The following TCF7L2 variants were observed in gnomAD, a reference collection of about 807,000 sequenced individuals.
The protein encoded by TCF7L2 is transcription factor 7 like 2.
In TCF7L2, 23 loss-of-function variants were observed where a neutral mutation model predicts 77.9. That is an observed-to-expected ratio of 0.30 (90% CI 0.21 to 0.42). TCF7L2 has a LOEUF of 0.42. Ranked by LOEUF, TCF7L2 falls within the 10% of genes least tolerant of loss-of-function variation. TCF7L2 has a pLI of 1.00. For synonymous variants in TCF7L2, 413 were observed against 340.2 expected (o/e 1.21, Z -2.36); for missense variants, 654 against 793.1 (o/e 0.82, Z 2.11).
chr10:112,961,206 G>A lies in TCF7L2; in HGVS notation c.382-3350G>A, dbSNP rs1353358480. Among the ~76,000 whole-genome samples, 4 of 137,048 alleles carry A rather than the reference G, an allele frequency of 2.9e-5. No homozygotes were observed. The East Asian group carries it at 9.0e-4, about 31-fold the overall frequency. The allele number at this position is 137,048 out of a possible 152,430, so 89.9% of individuals were successfully genotyped here. On this transcript the variant is annotated intron_variant, in intron 3 of 13. Transcript: ENST00000627217. ...TTTTTGTATTTTTTAGTAGAGACGG[G>A]GTTTCACCATGTTGGTCAGGCTGGT...
chr10:113,088,875 A>G (rs998516368), intron 5 of TCF7L2, among the ~76,000 whole-genome samples: 13 of 152,012 alleles, frequency 8.6e-5, no homozygotes, highest in African/African-American at 3.1e-4. Flanking sequence ...AGGCTGAGAC[A>G]GGAGGATTGC....
chr10:113,084,158 G>GT (rs2059591527), intron 5 of TCF7L2, among the ~76,000 whole-genome samples: 2 of 152,188 alleles, frequency 1.3e-5, no homozygotes. Flanking sequence ...GGATGTATGT[G>GT]TTTATATAGA....
intron 3 of TCF7L2, among the ~76,000 whole-genome samples, chr10:112,952,786 C>T (rs1354215002): frequency 1.3e-5 from 2 of 152,216 alleles, no homozygotes; most frequent in East Asian, 3.9e-4. Flanking sequence ...CGGTCCCGCG[C>T]CCAACCCTGA....
chr10:113,144,117 TGTG>T, intron 7 of TCF7L2, 92 bp downstream of exon 7: 1 of 919,364 alleles, frequency 1.1e-6, no homozygotes, highest in Non-Finnish European at 1.6e-6. Context: ...TGTGTGTGTG[TGTG>T]TGTGTGTGTG....
At chr10:113,094,665 A>C (rs1226287442) in intron 5 of TCF7L2, among the ~76,000 whole-genome samples, 1 of 152,232 alleles carries the variant, frequency 6.6e-6, no homozygotes, top group Non-Finnish European at 1.5e-5. Context: ...CGTAGGTGGG[A>C]TCATACTATA....
At chr10:113,075,864 T>TTA (rs2058634026) in intron 5 of TCF7L2, among the ~76,000 whole-genome samples, 2 of 152,086 alleles carry the variant, frequency 1.3e-5, no homozygotes, top group South Asian at 4.2e-4. Flanking sequence ...GACAGGATCT[T>TTA]ACAGCCGGGG....
chr10:113,145,501 A>T (rs1403549372), intron 7 of TCF7L2, among the ~76,000 whole-genome samples: 1 of 151,804 alleles, frequency 6.6e-6, no homozygotes, highest in Admixed American at 6.6e-5. Flanking sequence ...CCCCCCGGTA[A>T]CTCTTGTCAA....
intron 8 of TCF7L2, among the ~76,000 whole-genome samples, chr10:113,147,448 A>T (rs2137027942): frequency 6.6e-6 from 1 of 152,312 alleles, no homozygotes; most frequent in East Asian, 1.9e-4. Flanking sequence ...AGTTGAAGAG[A>T]TCCATTTTCT....
chr10:112,998,950 G>A (rs2043990369), intron 4 of TCF7L2, among the ~76,000 whole-genome samples: 1 of 152,198 alleles, frequency 6.6e-6, no homozygotes, highest in Admixed American at 6.5e-5. Context: ...GTGTTAGCTT[G>A]TGGATGGATT....
intron 4 of TCF7L2, among the ~76,000 whole-genome samples, chr10:112,984,157 G>A (rs1420191431): frequency 6.6e-6 from 1 of 152,188 alleles, no homozygotes; most frequent in Non-Finnish European, 1.5e-5. Flanking sequence ...AAATCAGAAA[G>A]CAGTGTTGGT....
chr10:113,166,283 T>G lies in TCF7L2; in HGVS notation c.*311T>G, dbSNP rs566040972. The G allele has an allele frequency of 3.0e-5, 8 of 266,296 alleles. No homozygotes were observed. Among genetic ancestry groups the G allele is most frequent in the African/African-American group, 1.1e-4 (5 of 46,486 alleles). 16.5% of individuals were successfully genotyped at this position (266,296 alleles called of 1,614,324 possible). A position where few individuals can be genotyped will look rare whatever the true frequency, so the allele number is the denominator to read the frequency against. Reference sequence around the variant, plus strand: ...ATAACTGTTATGTAGTTCGGATAGCTTAGTTTTAAAAGACTGATTAAAAAA... The same window carrying G: ...ATAACTGTTATGTAGTTCGGATAGCGTAGTTTTAAAAGACTGATTAAAAAA... On this transcript the variant is annotated 3_prime_UTR_variant, in exon 14 of 14. Transcript: ENST00000627217.
chr10:112,969,653 T>G (rs1188781314), intron 4 of TCF7L2, among the ~76,000 whole-genome samples: 1 of 152,100 alleles, frequency 6.6e-6, no homozygotes, highest in Non-Finnish European at 1.5e-5. Flanking sequence ...AGCAGTAAAT[T>G]TATCTAGGTG....
At chr10:113,073,099 C>CCTGTGTGTGTGTGTGTGT (rs145753150) in intron 5 of TCF7L2, among the ~76,000 whole-genome samples, 3 of 103,962 alleles carry the variant, frequency 2.9e-5, no homozygotes, top group Admixed American at 2.0e-4. Flanking sequence ...AGGGCCAGGT[C>CCTGTGTGTGTGTGTGTGT]GTGTGTGTGT....
chr10:112,951,383 C>G, intron 2 of TCF7L2, 100 bp from the exon 3 acceptor site: 1 of 1,149,866 alleles, frequency 8.7e-7, no homozygotes, highest in Non-Finnish European at 1.1e-6. Flanking sequence ...CCGGCCCGGT[C>G]GGGGCGCCCG....
At chr10:113,132,386 T>C (rs996626705) in intron 5 of TCF7L2, among the ~76,000 whole-genome samples, 1 of 152,206 alleles carries the variant, frequency 6.6e-6, no homozygotes, top group Non-Finnish European at 1.5e-5. Context: ...GTAAATAAAT[T>C]AGAAAGTTGG....
intron 4 of TCF7L2, among the ~76,000 whole-genome samples, chr10:113,034,901 T>C (rs895100585): frequency 6.6e-6 from 1 of 152,000 alleles, no homozygotes; most frequent in Non-Finnish European, 1.5e-5. Context: ...ATCTCAAAAA[T>C]ACCATAATTC....
At chr10:113,158,697 T>C in intron 12 of TCF7L2, 1 of 1,613,978 alleles carries the variant, frequency 6.2e-7, no homozygotes, top group Admixed American at 1.7e-5. Flanking sequence ...AATCCTTGCC[T>C]TTCACTTCCT....
chr10:113,141,109 A>G, intron 5 of TCF7L2, 75 bp from the exon 6 acceptor site: 9 of 1,579,752 alleles, frequency 5.7e-6, no homozygotes, highest in Non-Finnish European at 7.8e-6. Context: ...AAGGGAACCC[A>G]CGGGCCCGGT....
Position 113,166,037 on chromosome 10 carries a change from C to G in TCF7L2, c.*65C>G, listed in dbSNP as rs1051028657. On this transcript the variant is annotated 3_prime_UTR_variant, in exon 14 of 14. Transcript: ENST00000627217. ...GTTTCACTTTTCTTAATTTGCCCCC[C>G]ACCCCCACCTTGAAAGGTTTTGTTT... 30 of 1,399,536 alleles carry G rather than the reference C, an allele frequency of 2.1e-5. No individual in the cohort carries two copies. The highest frequency in any genetic ancestry group is 2.9e-5 in the African/African-American group (2 of 68,878). 86.7% of individuals were successfully genotyped at this position (1,399,536 alleles called of 1,614,324 possible). A position where few individuals can be genotyped will look rare whatever the true frequency, so the allele number is the denominator to read the frequency against.
Sources: gnomAD v4.1 joint callset for allele counts (sites outside exome capture counted in the v4.1 genomes callset) on GRCh38, gnomAD v4.1.1 for gene constraint, MANE v1.5 for transcripts, NCBI Gene and HGNC (gene_info 2026-07-23, HGNC 2026-07-21) for gene names.